RNPS1: variants seen among roughly 807,000 people sequenced by gnomAD.
RNPS1 encodes RNA binding protein with serine rich domain 1, also known as RNA-binding protein with serine-rich domain 1.
For synonymous variants in RNPS1, 147 were observed against 150.0 expected, an observed-to-expected ratio of 0.98 and a Z score of 0.15; for missense variants, 300 against 427.6, an observed-to-expected ratio of 0.70 and a Z score of 2.63.
chr16:2,266,690 G>T (rs1261605391), intron 1 of RNPS1: 7 of 985,232 alleles, frequency 7.1e-6, no homozygotes, highest in Non-Finnish European at 8.4e-6. Context: ...ACCCGCCTTC[G>T]AATCACCTGC....
At chr16:2,267,839 C>T (rs1315429381) in intron 1 of RNPS1, 56 of 1,506,026 alleles carry the variant, frequency 3.7e-5, no homozygotes, top group Non-Finnish European at 4.7e-5. Context: ...GGCGCCCTTC[C>T]GTCCGCAGCG....
At chr16:2,266,172 G>A (rs1316553183) in intron 1 of RNPS1, 3 of 985,296 alleles carry the variant, frequency 3.0e-6, no homozygotes, top group Non-Finnish European at 3.6e-6. Flanking sequence ...GTTTCCCTGT[G>A]CAGTGCACGC....
chr16:2,264,899 T>G, intron 1 of RNPS1, 139 bp from the exon 2 acceptor site: 3 of 585,218 alleles, frequency 5.1e-6, no homozygotes, highest in Non-Finnish European at 5.6e-6. Context: ...CAGGAACACA[T>G]AGGGACAGTC....
At chr16:2,267,329 T>G in intron 1 of RNPS1, 2 of 984,858 alleles carry the variant, frequency 2.0e-6, no homozygotes, top group Non-Finnish European at 2.4e-6. Context: ...CATTTAAAAG[T>G]ACATTTCAGG....
chr16:2,264,486 C>T, intron 2 of RNPS1, 87 bp downstream of exon 2: 5 of 1,523,638 alleles, frequency 3.3e-6, no homozygotes, highest in Non-Finnish European at 4.5e-6. Flanking sequence ...CTGTAGAATG[C>T]AGAACATTCT....
intron 5 of RNPS1, 135 bp downstream of exon 5, chr16:2,262,605 G>A (rs1301039028): frequency 6.3e-6 from 6 of 956,266 alleles, no homozygotes; most frequent in South Asian, 4.5e-5. Context: ...TCCACCAAGA[G>A]GAACGAATCA....
rs2093609280 is a variant in RNPS1, at chr16:2,262,962, G to C, written c.420-120C>G. ...TTTCATAAGGAAGACTTTCCTGCTA[G>C]TTCACATACATTATTCCTGTCTCAG... is the stretch of plus-strand genomic sequence containing the variant. On this transcript the variant is annotated intron_variant, in intron 4 of 7. Coordinates refer to ENST00000320225, the MANE Select transcript of RNPS1 (RefSeq NM_080594.4). 4.6e-6 allele frequency: 6 copies of C among 1,304,354 alleles called. No homozygotes were observed. The East Asian group carries it at 9.3e-5, about 20-fold the overall frequency. 80.8% of individuals were successfully genotyped at this position (1,304,354 alleles called of 1,614,324 possible).
chr16:2,264,170 C>T lies in RNPS1; in HGVS notation c.227+6G>A. On this transcript the variant is annotated splice_donor_region_variant and intron_variant, in intron 3 of 7. Transcript: ENST00000320225. ...CCTCTCCAGGCTCCAGGCCAGCCCG[C>T]CCCACCTGGTACTGCTGCTACCACT... 6.2e-7 allele frequency: 1 copy of T among 1,612,594 alleles called. No individual in the cohort carries two copies. Among genetic ancestry groups the T allele is most frequent in the Non-Finnish European group, 8.5e-7 (1 of 1,179,998 alleles).
rs772138713 is a variant in RNPS1, at chr16:2,262,374, C to T, written c.580G>A (p.Val194Met). The T allele has an allele frequency of 1.9e-5, 31 of 1,613,740 alleles. No homozygotes were observed. The highest frequency in any genetic ancestry group is 4.0e-5 in the African/African-American group (3 of 74,896). The change falls in exon 6 of 8, where the codon GTG becomes ATG. Residue 194 changes from valine (V) to methionine (M), a missense_variant. By Grantham distance (21) the Val-to-Met change is conservative. Coordinates refer to ENST00000320225, the MANE Select transcript of RNPS1 (RefSeq NM_080594.4). ...YGKIKMIDMP[V>M]ERMHPHLSKG... Reference sequence around the variant, plus strand: ...GACAGATGGGGATGCATCCTTTCCACGGGCATGTCAATCATTTTAATTTTC... The same window carrying T: ...GACAGATGGGGATGCATCCTTTCCATGGGCATGTCAATCATTTTAATTTTC...
chr16:2,264,268 A>G lies in RNPS1; in HGVS notation c.135T>C (p.Asp45=), dbSNP rs2093615760. The change falls in exon 3 of 8, where the codon GAT becomes GAC. Residue 45 remains aspartate (D), a synonymous_variant. Coordinates refer to ENST00000320225, the MANE Select transcript of RNPS1 (RefSeq NM_080594.4). ...CACTCGACTCCTTGGTGGCCCCTTT[A>G]TCTTTTGAGCGATCCTTGGACTTCT... is the stretch of plus-strand genomic sequence containing the variant. ...SDEKSKDRSK[D]KGATKESSEK... The G allele has an allele frequency of 6.2e-7, 1 of 1,614,032 alleles. No individual in the cohort carries two copies. The highest frequency in any genetic ancestry group is 1.1e-5 in the South Asian group (1 of 91,068).
At chr16:2,263,615 G>C (rs529746766) in intron 3 of RNPS1, among the ~76,000 whole-genome samples, 2 of 152,292 alleles carry the variant, frequency 1.3e-5, no homozygotes, top group Admixed American at 1.3e-4. Context: ...TGCTGACCCA[G>C]GCTAGGTTGA....
chr16:2,263,314 C>T (rs1248428059), intron 3 of RNPS1, 27 bp from the exon 4 acceptor site: 1 of 1,610,714 alleles, frequency 6.2e-7, no homozygotes, highest in African/African-American at 1.3e-5. Flanking sequence ...GGGTCACAAC[C>T]ACCACACACC....
At chr16:2,260,316 C>T (rs892621314) in intron 6 of RNPS1, among the ~76,000 whole-genome samples, 8 of 151,738 alleles carry the variant, frequency 5.3e-5, no homozygotes, top group Non-Finnish European at 7.4e-5. Context: ...CCATCATGCC[C>T]GGCTAATTTT....
Position 2,264,234 on chromosome 16 carries a change from G to A in RNPS1, c.169C>T (p.Arg57Cys), listed in dbSNP as rs1314971422. 13 of 1,614,120 alleles carry A rather than the reference G, an allele frequency of 8.1e-6. No homozygotes were observed. The highest frequency in any genetic ancestry group is 2.2e-5 in the East Asian group (1 of 44,886). The stretch of plus-strand genomic sequence containing the variant: ...CTCTTTCGGGTTTTGTCCCGGCCGC[G>A]ATCCTTCTCACTCGACTCCTTGGTG... Reference protein sequence around the residue: ...GATKESSEKDRGRDKTRKRRS... With the variant: ...GATKESSEKDCGRDKTRKRRS... The change falls in exon 3 of 8, where the codon CGC becomes TGC. Residue 57 changes from arginine (R) to cysteine (C), a missense_variant. Physicochemically the swap from Arg to Cys is radical, Grantham distance 180. Coordinates refer to ENST00000320225, the MANE Select transcript of RNPS1 (RefSeq NM_080594.4).
In RNPS1 at chr16:2,264,700, A is replaced by C; in HGVS notation, c.-57T>G. The stretch of plus-strand genomic sequence containing the variant: ...GGCGGCCTCACTTATCTGAACTCTC[A>C]CTTCTAACTTGATTCTGAGAAACGA... On this transcript the variant is annotated 5_prime_UTR_variant, in exon 2 of 8. Coordinates refer to ENST00000320225, the MANE Select transcript of RNPS1 (RefSeq NM_080594.4). The C allele has an allele frequency of 1.9e-6, 3 of 1,596,540 alleles. No homozygotes were observed. The highest frequency in any genetic ancestry group is 2.6e-6 in the Non-Finnish European group (3 of 1,176,126).
At chr16:2,263,913 A>G in intron 3 of RNPS1, 1 of 166,692 alleles carries the variant, frequency 6.0e-6, no homozygotes, top group African/African-American at 4.0e-5. Flanking sequence ...TTTTTTTTGT[A>G]GAGACGAGCT....
chr16:2,255,868 C>T (rs1191116737), intron 6 of RNPS1, 142 bp from the exon 7 acceptor site: 5 of 890,670 alleles, frequency 5.6e-6, no homozygotes, highest in Non-Finnish European at 8.8e-6. Context: ...TGGCTCACTC[C>T]TGTAATCCCA....
intron 6 of RNPS1, chr16:2,262,072 G>C (rs2093605230): frequency 2.0e-6 from 1 of 505,818 alleles, no homozygotes; most frequent in Non-Finnish European, 3.5e-6. Context: ...CACCTACTCA[G>C]TTAATGTGCA....
At chr16:2,265,248 CACTT>C (rs2141587291) in intron 1 of RNPS1, 1 of 152,426 alleles carries the variant, frequency 6.6e-6, no homozygotes, top group South Asian at 2.1e-4. Context: ...AGCATCAAAA[CACTT>C]AATACCCAAA....
Sources: gnomAD v4.1 joint callset for allele counts (sites outside exome capture counted in the v4.1 genomes callset) on GRCh38, gnomAD v4.1.1 for gene constraint, MANE v1.5 for transcripts, NCBI Gene and HGNC (gene_info 2026-07-23, HGNC 2026-07-21) for gene names.